Variants in ADARB2 observed in about 807,000 individuals in gnomAD.
ADARB2 encodes inactive double-stranded RNA-specific editase B2.
A neutral mutation model predicts 62.2 loss-of-function variants in ADARB2; 25 were observed. That is an observed-to-expected ratio of 0.40 (90% CI 0.29 to 0.56). The LOEUF is 0.56. Ranked by LOEUF, ADARB2 falls within the 20% of genes least tolerant of loss-of-function variation. The pLI is 0.43. For synonymous variants in ADARB2, 572 were observed against 500.8 expected (o/e 1.14, Z -1.90); for missense variants, 1,071 against 1,077.4 (o/e 0.99, Z 0.08).
intron 1 of ADARB2, among the ~76,000 whole-genome samples, chr10:1,423,401 C>A (rs768893472): frequency 2.1e-4 from 32 of 152,348 alleles, no homozygotes; most frequent in Non-Finnish European, 4.1e-4. Flanking sequence ...CTCCTGAGCA[C>A]CCGGCCTTGA....
intron 1 of ADARB2, among the ~76,000 whole-genome samples, chr10:1,716,127 A>G (rs938712886): frequency 1.1e-4 from 17 of 151,496 alleles, no homozygotes; most frequent in African/African-American, 4.1e-4. Context: ...ACAATGACTC[A>G]TGCACACCTG....
intron 1 of ADARB2, among the ~76,000 whole-genome samples, chr10:1,570,085 T>G (rs1292045288): frequency 1.3e-5 from 2 of 152,194 alleles, no homozygotes; most frequent in African/African-American, 4.8e-5. Flanking sequence ...GTTGTCTCAT[T>G]CACATACAAA....
intron 1 of ADARB2, among the ~76,000 whole-genome samples, chr10:1,610,159 C>T (rs1251148870): frequency 6.6e-6 from 1 of 152,210 alleles, no homozygotes; most frequent in African/African-American, 2.4e-5. Flanking sequence ...CCTAGGCCCC[C>T]TCCAGCCTGT....
At chr10:1,272,678 C>G (rs1831274396) in intron 3 of ADARB2, among the ~76,000 whole-genome samples, 1 of 152,234 alleles carries the variant, frequency 6.6e-6, no homozygotes, top group Non-Finnish European at 1.5e-5. Context: ...TCAGGGACTG[C>G]TGTGAGCCTG....
chr10:1,360,507 AG>A (rs1832242893), intron 3 of ADARB2, among the ~76,000 whole-genome samples: 1 of 152,220 alleles, frequency 6.6e-6, no homozygotes, highest in Non-Finnish European at 1.5e-5. Flanking sequence ...AAGGAGGAAA[AG>A]CCACATTTAC....
chr10:1,427,563 T>C lies in ADARB2; in HGVS notation c.101-48403A>G, dbSNP rs554679106. 3.9e-5 allele frequency among the ~76,000 whole-genome samples: 6 copies of C among 152,328 alleles called. No homozygotes were observed. In the East Asian group the frequency reaches 7.7e-4, roughly 20 times the overall value. ...CTGGCAGAATGGCTTGATTGAAAAG[T>C]GGTGACCACACCAAATGCTGGTGAA... On this transcript the variant is annotated intron_variant, in intron 1 of 9. Coordinates refer to ENST00000381312, the MANE Select transcript of ADARB2 (RefSeq NM_018702.4).
At chr10:1,549,390 T>G (rs562554592) in intron 1 of ADARB2, among the ~76,000 whole-genome samples, 1 of 152,208 alleles carries the variant, frequency 6.6e-6, no homozygotes, top group South Asian at 2.1e-4. Context: ...TGGATTGTGA[T>G]TCATCTTTGT....
intron 3 of ADARB2, among the ~76,000 whole-genome samples, chr10:1,342,742 G>A (rs535468539): frequency 3.9e-5 from 6 of 152,174 alleles, no homozygotes; most frequent in Non-Finnish European, 7.4e-5. Context: ...TGACTGTATT[G>A]CAATGGGGTG....
At chr10:1,482,125 A>G (rs887325098) in intron 1 of ADARB2, among the ~76,000 whole-genome samples, 1 of 152,220 alleles carries the variant, frequency 6.6e-6, no homozygotes, top group African/African-American at 2.4e-5. Context: ...GAGAAACTGA[A>G]ACTTGTAAAT....
chr10:1,298,805 T>C (rs570162197), intron 3 of ADARB2, among the ~76,000 whole-genome samples: 2 of 140,556 alleles, frequency 1.4e-5, no homozygotes, highest in Admixed American at 1.5e-4. Context: ...AGTGGCACAC[T>C]CTTGGCTCAC....
chr10:1,434,394 G>A (rs532733690), intron 1 of ADARB2, among the ~76,000 whole-genome samples: 1 of 152,224 alleles, frequency 6.6e-6, no homozygotes, highest in African/African-American at 2.4e-5. Context: ...CCTCAGATGT[G>A]TGGGTGTGGC....
At chr10:1,346,864 T>C (rs1230438764) in intron 3 of ADARB2, among the ~76,000 whole-genome samples, 1 of 152,178 alleles carries the variant, frequency 6.6e-6, no homozygotes, top group Non-Finnish European at 1.5e-5. Flanking sequence ...AGTGAGAAAA[T>C]ATAAGCTCCA....
At chr10:1,669,409 GAGACACACAC>G (rs1028211198) in intron 1 of ADARB2, among the ~76,000 whole-genome samples, 1 of 152,028 alleles carries the variant, frequency 6.6e-6, no homozygotes, top group Non-Finnish European at 1.5e-5. Context: ...ATAACACATA[GAGACACACAC>G]AGACACACAC....
In ADARB2 at chr10:1,737,164, G is replaced by T. The variant is rs778607909; in HGVS notation, c.-14C>A. 1.2e-6 allele frequency: 2 copies of T among 1,603,790 alleles called. No homozygotes were observed. Among genetic ancestry groups the T allele is most frequent in the Admixed American group, 3.3e-5 (2 of 59,998 alleles). On this transcript the variant is annotated 5_prime_UTR_variant, in exon 1 of 10. Coordinates refer to ENST00000381312, the MANE Select transcript of ADARB2 (RefSeq NM_018702.4). Reference sequence around the variant, plus strand: ...GACCGAGGCCATGGCCGAGACCCAGGCGCGGAGCCCAGAGCCGCCTCCCTC... The same window carrying T: ...GACCGAGGCCATGGCCGAGACCCAGTCGCGGAGCCCAGAGCCGCCTCCCTC...
chr10:1,559,212 A>G (rs1341790668), intron 1 of ADARB2, among the ~76,000 whole-genome samples: 2 of 152,184 alleles, frequency 1.3e-5, no homozygotes, highest in African/African-American at 4.8e-5. Context: ...TGCTGCTTTT[A>G]TGGAAATACA....
At chr10:1,354,557 A>C (rs11250447) in intron 3 of ADARB2, among the ~76,000 whole-genome samples, 1 of 152,082 alleles carries the variant, frequency 6.6e-6, no homozygotes, top group Non-Finnish European at 1.5e-5. Context: ...GTCCCTTCAC[A>C]GGTACGTGCA....
chr10:1,199,367 G>C (rs1836953090), intron 8 of ADARB2: 2 of 152,332 alleles, frequency 1.3e-5, no homozygotes, highest in South Asian at 4.1e-4. Flanking sequence ...CTGTGTGCCA[G>C]GCAGCCCGGG....
At position 1,183,192 on chromosome 10, in the gene ADARB2, C is replaced by T. The variant is rs1836703634; in HGVS notation, c.*1G>A. On this transcript the variant is annotated 3_prime_UTR_variant, in exon 10 of 10. Transcript: ENST00000381312. ...AGCTCCAGCAGCCAGGAGCCCGCAGCCTAGAGAGTCAGTAGAAACTGCTGC... is the reference window on the plus strand; with the variant it reads ...AGCTCCAGCAGCCAGGAGCCCGCAGTCTAGAGAGTCAGTAGAAACTGCTGC... 1.9e-6 allele frequency: 3 copies of T among 1,612,468 alleles called. No homozygotes were observed. The highest frequency in any genetic ancestry group is 2.5e-6 in the Non-Finnish European group (3 of 1,179,688).
intron 8 of ADARB2, among the ~76,000 whole-genome samples, chr10:1,195,682 C>T (rs550004935): frequency 2.0e-5 from 3 of 152,098 alleles, no homozygotes; most frequent in African/African-American, 7.2e-5. Flanking sequence ...AGAGGCTGAT[C>T]CTGGTTCAGA....
Sources: gnomAD v4.1 joint callset for allele counts (sites outside exome capture counted in the v4.1 genomes callset) on GRCh38, gnomAD v4.1.1 for gene constraint, MANE v1.5 for transcripts, NCBI Gene and HGNC (gene_info 2026-07-23, HGNC 2026-07-21) for gene names.